ZNF66: variants seen among roughly 807,000 people sequenced by gnomAD.
The protein encoded by ZNF66 is zinc finger protein 66, also known as putative zinc finger protein 66.
A neutral mutation model predicts 35.2 loss-of-function variants in ZNF66; 32 were observed. The observed-to-expected ratio is 0.91, with a 90% CI of 0.69 to 1.22. The LOEUF (loss-of-function observed/expected upper bound fraction) is 1.22. ZNF66 is among the 50% of genes most tolerant of loss of function. ZNF66 has a pLI of 0.00. For synonymous variants in ZNF66, 231 were observed against 181.3 expected (o/e 1.27, Z -2.20); for missense variants, 666 against 543.1 (o/e 1.23, Z -2.25).
chr19:20,807,092 A>G lies in ZNF66; in HGVS notation c.1492A>G (p.Thr498Ala), dbSNP rs777325402. The change falls in exon 4 of 4, where the codon ACA becomes GCA. Residue 498 changes from threonine (T) to alanine (A), a missense_variant. Transcript: ENST00000344519. ...CTTTAAGTGCTCCTCTATTCTTACTACACATAAGAGAATTCATACTGCAGA... is the reference window on the plus strand; with the variant it reads ...CTTTAAGTGCTCCTCTATTCTTACTGCACATAAGAGAATTCATACTGCAGA... ...KAFKCSSILT[T>A]HKRIHTADKP... The G allele has an allele frequency of 4.3e-5, 34 of 793,608 alleles. No individual in the cohort carries two copies. The highest frequency in any genetic ancestry group is 7.7e-5 in the Non-Finnish European group (34 of 441,372). The allele number at this position is 793,608 out of a possible 1,614,324, so 49.2% of individuals were successfully genotyped here. A position where few individuals can be genotyped will look rare whatever the true frequency, so the allele number is the denominator to read the frequency against.
In ZNF66 at chr19:20,806,093, A is replaced by G; in HGVS notation, c.493A>G (p.Ile165Val). ...HQFSNTNRHKIRHTGKNPCKF... is the reference protein window; with the variant it reads ...HQFSNTNRHKVRHTGKNPCKF... ...ATTTTCAAATACAAACAGACATAAG[A>G]TAAGACATACTGGAAAAAACCCTTG... The change falls in exon 4 of 4, where the codon ATA (isoleucine) becomes GTA (valine). Residue 165 changes from isoleucine (I) to valine (V), a missense_variant. Physicochemically the swap from Ile to Val is conservative, Grantham distance 29. Coordinates refer to ENST00000344519, the MANE Select transcript of ZNF66 (RefSeq NM_001355197.2). 2.2e-6 allele frequency: 2 copies of G among 895,852 alleles called. No individual in the cohort carries two copies. The highest frequency in any genetic ancestry group is 1.9e-5 in the Admixed American group (1 of 53,930). The allele number at this position is 895,852 out of a possible 1,614,324, so 55.5% of individuals were successfully genotyped here.
chr19:20,780,588 G>A (rs1229299581), intron 1 of ZNF66, among the ~76,000 whole-genome samples: 1 of 152,220 alleles, frequency 6.6e-6, no homozygotes, highest in Non-Finnish European at 1.5e-5. Context: ...ATCAGGGTCT[G>A]TGTTGACTCT....
Position 20,799,799 on chromosome 19 carries a change from C to T in ZNF66, c.226+5921C>T, listed in dbSNP as rs947131062. 3.3e-5 allele frequency among the ~76,000 whole-genome samples: 5 copies of T among 152,038 alleles called. No individual in the cohort carries two copies. In the East Asian group the frequency reaches 9.6e-4, roughly 29 times the overall value. ...CTATTCTGTTCTTTTATCTGTTTGT[C>T]TTTGTGTATCACATTGTTTAAATTC... On this transcript the variant is annotated intron_variant, in intron 3 of 3. Transcript: ENST00000344519.
chr19:20,795,380 T>G (rs1400569189), intron 3 of ZNF66, among the ~76,000 whole-genome samples: 5 of 151,810 alleles, frequency 3.3e-5, no homozygotes, highest in Admixed American at 3.3e-4. Flanking sequence ...TTCTTTTTTT[T>G]TTTTGAGATG....
rs761815544 is a variant in ZNF66 at position 20,793,829 on chromosome 19, A to G, written c.177A>G (p.Gly59=). Residue 59 remains glycine, a synonymous_variant, in exon 3 of 4, where the codon GGA becomes GGG. Transcript: ENST00000344519. The stretch of plus-strand genomic sequence containing the variant: ...ACCTCATCACCCATCTGGAGCAAGG[A>G]AAAAAACCTTCGACTATGCAGAGAC... ...KPDLITHLEQ[G]KKPSTMQRHE... The G allele has an allele frequency of 5.2e-6, 6 of 1,163,650 alleles. No individual in the cohort carries two copies. The highest frequency in any genetic ancestry group is 7.2e-6 in the Non-Finnish European group (6 of 827,938). 72.1% of individuals were successfully genotyped at this position (1,163,650 alleles called of 1,614,324 possible).
At chr19:20,777,074 C>G (rs1384416432) in intron 1 of ZNF66, among the ~76,000 whole-genome samples, 8 of 144,562 alleles carry the variant, frequency 5.5e-5, no homozygotes, top group African/African-American at 1.8e-4. Flanking sequence ...GAAATCCTGC[C>G]ACTGCACTCC....
rs142052913 is a variant in ZNF66 at position 20,797,189 on chromosome 19, A to ATTTTTTTTTTTTT, written c.226+3335_226+3347dup. ...ATAATGCATCAATGTTGCATGCTAG[A>ATTTTTTTTTTTTT]TTTTTTTTTTTTTTTTTTTTTTTTT... is the stretch of plus-strand genomic sequence containing the variant. On this transcript the variant is annotated intron_variant, in intron 3 of 3. Transcript: ENST00000344519. Among the ~76,000 whole-genome samples, 17 of 45,480 alleles carry ATTTTTTTTTTTTT rather than the reference A, an allele frequency of 3.7e-4. 6 individuals carry two copies. Among genetic ancestry groups the ATTTTTTTTTTTTT allele is most frequent in the East Asian group, 1.6e-3 (2 of 1,242 alleles). 29.8% of individuals were successfully genotyped at this position (45,480 alleles called of 152,430 possible).
At chr19:20,801,469 A>C (rs567308941) in intron 3 of ZNF66, among the ~76,000 whole-genome samples, 3 of 151,604 alleles carry the variant, frequency 2.0e-5, no homozygotes, top group Admixed American at 2.0e-4. Context: ...TCAGCCTTCC[A>C]AGTAGCTGGG....
intron 3 of ZNF66, among the ~76,000 whole-genome samples, chr19:20,799,746 T>TC (rs1189532905): frequency 4.6e-5 from 7 of 152,232 alleles, no homozygotes; most frequent in Non-Finnish European, 7.3e-5. Context: ...CATTTGATCA[T>TC]ATACAGAACG....
chr19:20,792,231 G>A (rs1248153999), intron 1 of ZNF66, among the ~76,000 whole-genome samples: 3 of 152,066 alleles, frequency 2.0e-5, no homozygotes, highest in African/African-American at 4.8e-5. Context: ...TGTAAATATA[G>A]CACTCAAAAA....
chr19:20,777,072 G>T (rs1277078239), intron 1 of ZNF66, among the ~76,000 whole-genome samples: 2 of 141,466 alleles, frequency 1.4e-5, no homozygotes, highest in African/African-American at 5.3e-5. Flanking sequence ...CTGAAATCCT[G>T]CCACTGCACT....
intron 3 of ZNF66, among the ~76,000 whole-genome samples, chr19:20,800,363 T>C (rs1324509243): frequency 6.6e-6 from 1 of 152,186 alleles, no homozygotes; most frequent in African/African-American, 2.4e-5. Context: ...CAGATGCAAA[T>C]AAGAATATTG....
chr19:20,797,838 A>G (rs1042227024), intron 3 of ZNF66, among the ~76,000 whole-genome samples: 5 of 152,122 alleles, frequency 3.3e-5, no homozygotes, highest in Admixed American at 3.3e-4. Context: ...CTGGGATTAC[A>G]GTTATGATCC....
intron 1 of ZNF66, chr19:20,785,292 G>A (rs1971277228): frequency 6.6e-6 from 1 of 152,430 alleles, no homozygotes; most frequent in African/African-American, 2.4e-5. Flanking sequence ...GCAAGCAGGA[G>A]TGCTGTAGCC....
chr19:20,795,064 G>A (rs1174447218), intron 3 of ZNF66, among the ~76,000 whole-genome samples: 4 of 151,602 alleles, frequency 2.6e-5, no homozygotes, highest in Admixed American at 2.6e-4. Context: ...TGGTAGAGAC[G>A]GTGTTTCACC....
chr19:20,793,411 A>G (rs1380509521), intron 2 of ZNF66, among the ~76,000 whole-genome samples: 2 of 140,446 alleles, frequency 1.4e-5, no homozygotes, highest in Non-Finnish European at 3.0e-5. Flanking sequence ...GCTTACTGCA[A>G]CATCCACCTC....
intron 1 of ZNF66, 108 bp from the exon 2 acceptor site, chr19:20,792,404 T>C: frequency 1.9e-6 from 2 of 1,029,128 alleles, no homozygotes; most frequent in African/African-American, 1.7e-5. Flanking sequence ...CTTTAGTCAG[T>C]CCTATAAGTC....
At chr19:20,805,767 G>A (rs903182804) in intron 3 of ZNF66, 60 bp from the exon 4 acceptor site, 3 of 477,532 alleles carry the variant, frequency 6.3e-6, no homozygotes, top group African/African-American at 6.0e-5. Context: ...GGTTAGATTT[G>A]TAAAGTATAT....
chr19:20,793,090 GAAAA>G (rs1162264997), intron 2 of ZNF66, among the ~76,000 whole-genome samples: 1 of 150,558 alleles, frequency 6.6e-6, no homozygotes, highest in African/African-American at 2.4e-5. Context: ...AAAAAAGAAA[GAAAA>G]AAATTTCTTC....
Sources: allele counts gnomAD v4.1 joint callset (sites outside exome capture counted in the v4.1 genomes callset), GRCh38; gene constraint gnomAD v4.1.1; transcripts MANE v1.5; gene names NCBI Gene and HGNC (gene_info 2026-07-23, HGNC 2026-07-21).